TMEM117: variants seen among roughly 807,000 people sequenced by gnomAD.
TMEM117 encodes the protein transmembrane protein 117.
In TMEM117, 27 loss-of-function variants were observed where a neutral mutation model predicts 52.4. The observed-to-expected ratio is 0.51, with a 90% CI of 0.38 to 0.71. TMEM117 has a LOEUF of 0.71. Among genes scored for constraint, TMEM117 ranks in the 30% least tolerant of loss-of-function variants. TMEM117 has a pLI of 0.00. For missense variants in TMEM117, 556 were observed against 630.5 expected (o/e 0.88, Z 1.26); for synonymous variants, 215 against 206.3 (o/e 1.04, Z -0.36).
At chr12:44,101,385 C>G (rs1246554175) in intron 3 of TMEM117, among the ~76,000 whole-genome samples, 1 of 151,880 alleles carries the variant, frequency 6.6e-6, no homozygotes, top group Non-Finnish European at 1.5e-5. Flanking sequence ...TGACTATTTC[C>G]TTTCAGTCTC....
intron 3 of TMEM117, among the ~76,000 whole-genome samples, chr12:44,040,973 G>C (rs574548960): frequency 6.6e-6 from 1 of 152,230 alleles, no homozygotes; most frequent in Non-Finnish European, 1.5e-5. Flanking sequence ...ATGATTGACA[G>C]AAGTAAATGG....
intron 2 of TMEM117, among the ~76,000 whole-genome samples, chr12:43,880,109 CA>C (rs1231629955): frequency 1.3e-5 from 2 of 152,084 alleles, no homozygotes; most frequent in Admixed American, 1.3e-4. Flanking sequence ...CAAAATTTTC[CA>C]AGCTTTAGTT....
chr12:44,059,699 A>C lies in TMEM117; in HGVS notation c.411-83826A>C, dbSNP rs532016786. Among the ~76,000 whole-genome samples, 4 of 152,348 alleles carry C rather than the reference A, an allele frequency of 2.6e-5. No homozygotes were observed. The South Asian group carries it at 8.3e-4, about 32-fold the overall frequency. ...ACAGCAACATTCTCTAATGGATTGCAGGTCCCATATGAGAATGTGCAATGT... is the reference window on the plus strand; with the variant it reads ...ACAGCAACATTCTCTAATGGATTGCCGGTCCCATATGAGAATGTGCAATGT... On this transcript the variant is annotated intron_variant, in intron 3 of 7. Coordinates refer to ENST00000266534, the MANE Select transcript of TMEM117 (RefSeq NM_032256.3).
chr12:44,104,452 C>G (rs981656107), intron 3 of TMEM117, among the ~76,000 whole-genome samples: 3 of 151,812 alleles, frequency 2.0e-5, no homozygotes, highest in African/African-American at 7.3e-5. Context: ...GAGCACCTAC[C>G]ATTTGCTCGC....
chr12:44,070,273 A>C (rs1047673745), intron 3 of TMEM117, among the ~76,000 whole-genome samples: 1 of 152,114 alleles, frequency 6.6e-6, no homozygotes, highest in African/African-American at 2.4e-5. Flanking sequence ...TGGTTATAGG[A>C]TGGCTGCTGC....
chr12:44,006,613 A>G (rs1267297385), intron 3 of TMEM117, among the ~76,000 whole-genome samples: 5 of 152,214 alleles, frequency 3.3e-5, no homozygotes, highest in African/African-American at 1.2e-4. Context: ...AATGAAACTA[A>G]GTATTGACCA....
chr12:44,288,985 A>G (rs1361135102), intron 5 of TMEM117, among the ~76,000 whole-genome samples: 2 of 152,170 alleles, frequency 1.3e-5, no homozygotes, highest in South Asian at 2.1e-4. Flanking sequence ...CTTATAACTG[A>G]AAGTTTGTAC....
chr12:44,057,729 C>T (rs572415664), intron 3 of TMEM117, among the ~76,000 whole-genome samples: 34 of 151,892 alleles, frequency 2.2e-4, no homozygotes, highest in Middle Eastern at 3.5e-3. Context: ...TGTCTAGATT[C>T]TGGCTCTGTT....
chr12:44,162,480 C>A (rs183011305), intron 4 of TMEM117, among the ~76,000 whole-genome samples: 3 of 152,310 alleles, frequency 2.0e-5, no homozygotes, highest in Admixed American at 2.0e-4. Flanking sequence ...TGTCTCTTAG[C>A]CCTTCATGCT....
At chr12:44,367,035 A>G (rs1248522431) in intron 6 of TMEM117, among the ~76,000 whole-genome samples, 4 of 152,180 alleles carry the variant, frequency 2.6e-5, no homozygotes, top group African/African-American at 4.8e-5. Flanking sequence ...TGCCCTTGCA[A>G]AAACTACTGA....
intron 6 of TMEM117, among the ~76,000 whole-genome samples, chr12:44,308,768 T>G (rs1950935642): frequency 6.6e-6 from 1 of 152,108 alleles, no homozygotes; most frequent in African/African-American, 2.4e-5. Flanking sequence ...TACAGGCGCC[T>G]GCCACCGCGC....
rs76785948 is a variant in TMEM117 at position 43,999,152 on chromosome 12, C to T, written c.410+54810C>T. 1.4e-3 allele frequency among the ~76,000 whole-genome samples: 209 copies of T among 152,204 alleles called. 3 individuals are homozygous for T. The East Asian group carries it at 0.024, about 18-fold the overall frequency. ...AGAAGGTGAACATATATCAATATTC[C>T]AGTCATTCCGCTCCTAGAATGCTAG... is the stretch of plus-strand genomic sequence containing the variant. On this transcript the variant is annotated intron_variant, in intron 3 of 7. Coordinates refer to ENST00000266534, the MANE Select transcript of TMEM117 (RefSeq NM_032256.3).
At chr12:44,081,501 C>T (rs1025356562) in intron 3 of TMEM117, among the ~76,000 whole-genome samples, 3 of 152,038 alleles carry the variant, frequency 2.0e-5, no homozygotes, top group Non-Finnish European at 4.4e-5. Context: ...GAGACAGAAG[C>T]GTCTGTGTTC....
At chr12:43,878,234 G>A (rs1943837405) in intron 2 of TMEM117, among the ~76,000 whole-genome samples, 1 of 151,978 alleles carries the variant, frequency 6.6e-6, no homozygotes, top group Non-Finnish European at 1.5e-5. Context: ...GAATTTCAGG[G>A]CTTTAAAGAG....
intron 6 of TMEM117, among the ~76,000 whole-genome samples, chr12:44,341,022 C>G (rs1951409431): frequency 6.6e-6 from 1 of 151,954 alleles, no homozygotes; most frequent in African/African-American, 2.4e-5. Context: ...TTTTTTTAGA[C>G]AGGATTTTAC....
At chr12:44,255,465 T>G (rs1323890509) in intron 5 of TMEM117, among the ~76,000 whole-genome samples, 5 of 152,144 alleles carry the variant, frequency 3.3e-5, no homozygotes, top group Admixed American at 2.0e-4. Flanking sequence ...CATATAACAC[T>G]GACATATATG....
intron 3 of TMEM117, among the ~76,000 whole-genome samples, chr12:44,118,592 T>C (rs573866541): frequency 6.6e-6 from 1 of 152,248 alleles, no homozygotes; most frequent in East Asian, 1.9e-4. Context: ...AGTAGAGAGA[T>C]TGTATGTCAT....
chr12:44,116,150 T>TA (rs1383165698), intron 3 of TMEM117, among the ~76,000 whole-genome samples: 1 of 152,222 alleles, frequency 6.6e-6, no homozygotes, highest in African/African-American at 2.4e-5. Context: ...TTTTCTCTCT[T>TA]TAAGCATTTC....
At chr12:43,914,954 A>G (rs1411536873) in intron 2 of TMEM117, among the ~76,000 whole-genome samples, 2 of 152,150 alleles carry the variant, frequency 1.3e-5, no homozygotes, top group Non-Finnish European at 2.9e-5. Context: ...CAGAAAGCCT[A>G]GTATCTTCTT....
Sources: allele counts gnomAD v4.1 joint callset (sites outside exome capture counted in the v4.1 genomes callset), GRCh38; gene constraint gnomAD v4.1.1; transcripts MANE v1.5; gene names NCBI Gene and HGNC (gene_info 2026-07-23, HGNC 2026-07-21).